Variants in CREBRF observed in about 807,000 individuals in gnomAD.
The protein encoded by CREBRF is CREB3 regulatory factor.
A neutral mutation model predicts 66.1 loss-of-function variants in CREBRF; 5 were observed. That is an observed-to-expected ratio of 0.08 (90% CI 0.04 to 0.16). The LOEUF (loss-of-function observed/expected upper bound fraction) is 0.16. CREBRF is among the 10% of genes least tolerant of loss of function. CREBRF has a pLI of 1.00. For missense variants in CREBRF, 531 were observed against 744.9 expected (o/e 0.71, Z 3.34); for synonymous variants, 229 against 264.4 (o/e 0.87, Z 1.30).
At chr5:173,072,168 C>A (rs1279797990) in intron 1 of CREBRF, among the ~76,000 whole-genome samples, 2 of 151,934 alleles carry the variant, frequency 1.3e-5, no homozygotes. Flanking sequence ...AGTGCAGTGG[C>A]ACAATCATAG....
intron 1 of CREBRF, chr5:173,060,285 C>G (rs1180469839): frequency 6.7e-6 from 1 of 148,902 alleles, no homozygotes; most frequent in African/African-American, 2.5e-5. Flanking sequence ...GGTTGGAGTC[C>G]GGTGGCGTGA....
chr5:173,092,284 A>G (rs1484630050), intron 4 of CREBRF: 13 of 981,186 alleles, frequency 1.3e-5, no homozygotes, highest in African/African-American at 1.7e-5. Context: ...TTTACATCGT[A>G]TTTTCCTATT....
intron 7 of CREBRF, among the ~76,000 whole-genome samples, chr5:173,122,112 G>GT (rs1759151120): frequency 6.6e-6 from 1 of 151,942 alleles, no homozygotes; most frequent in South Asian, 2.1e-4. Flanking sequence ...TGTTGTTGTT[G>GT]TTTTTTGAGA....
chr5:173,077,601 C>T (rs151217653), intron 1 of CREBRF, among the ~76,000 whole-genome samples: 3 of 152,088 alleles, frequency 2.0e-5, no homozygotes, highest in Non-Finnish European at 2.9e-5. Context: ...CCATGTTGGC[C>T]AGGCTGGTCT....
At position 173,137,604 on chromosome 5, in the gene CREBRF, T is replaced by C. The variant is rs1197546931; in HGVS notation, c.*3859T>C. ...GGAGAAGAGTACCCATTTTGTTTTA[T>C]AAAAACAGATGACAAGTCTCTTTAA... is the stretch of plus-strand genomic sequence containing the variant. On this transcript the variant is annotated 3_prime_UTR_variant, in exon 9 of 9. Coordinates refer to ENST00000296953, the MANE Select transcript of CREBRF (RefSeq NM_153607.3). 6 of 152,056 alleles carry C rather than the reference T, an allele frequency of 3.9e-5. No homozygotes were observed. The highest frequency in any genetic ancestry group is 8.8e-5 in the Non-Finnish European group (6 of 67,942). The allele number at this position is 152,056 out of a possible 1,614,324, so 9.4% of individuals were successfully genotyped here.
intron 8 of CREBRF, among the ~76,000 whole-genome samples, chr5:173,125,824 A>C (rs1170174251): frequency 6.6e-6 from 1 of 152,218 alleles, no homozygotes; most frequent in Non-Finnish European, 1.5e-5. Context: ...AGATTGTGCC[A>C]CTGCGCTCCC....
intron 5 of CREBRF, chr5:173,109,583 TAATC>T (rs1299257852): frequency 1.3e-5 from 2 of 152,336 alleles, no homozygotes; most frequent in African/African-American, 4.8e-5. Context: ...ATTTTTAAAT[TAATC>T]CATAGTTTCT....
At chr5:173,099,548 C>T (rs1483509806) in intron 4 of CREBRF, among the ~76,000 whole-genome samples, 2 of 152,140 alleles carry the variant, frequency 1.3e-5, no homozygotes, top group African/African-American at 4.8e-5. Context: ...TATCATTTTA[C>T]TGGGTATTGA....
intron 2 of CREBRF, among the ~76,000 whole-genome samples, chr5:173,082,908 CAAAAAAAAAAAAAAAAAAAAAAAA>C (rs70984937): frequency 1.4e-4 from 4 of 28,984 alleles, no homozygotes; most frequent in East Asian, 2.6e-3. Context: ...GACTCTGTCT[CAAAAAAAAAAAAAAAAAAAAAAAA>C]AAAAAAAAAA....
intron 3 of CREBRF, among the ~76,000 whole-genome samples, chr5:173,089,265 T>C (rs758506801): frequency 1.3e-5 from 2 of 149,304 alleles, no homozygotes; most frequent in African/African-American, 5.0e-5. Context: ...AAAAAATAAC[T>C]CTGGAAGACT....
At chr5:173,101,696 A>G (rs416043) in intron 4 of CREBRF, among the ~76,000 whole-genome samples, 73,830 of 151,530 alleles carry the variant, frequency 0.49, 19,113 homozygotes, top group Non-Finnish European at 0.58. Flanking sequence ...GGGATTACCG[A>G]CACCCACCAT....
intron 3 of CREBRF, among the ~76,000 whole-genome samples, chr5:173,087,709 G>A (rs1758201650): frequency 6.6e-6 from 1 of 151,720 alleles, no homozygotes; most frequent in Non-Finnish European, 1.5e-5. Flanking sequence ...GATGCTTCTG[G>A]GTATGGTGGC....
intron 1 of CREBRF, among the ~76,000 whole-genome samples, chr5:173,057,080 C>T (rs911313369): frequency 2.0e-5 from 3 of 152,050 alleles, no homozygotes; most frequent in Admixed American, 6.5e-5. Flanking sequence ...TCAGAGGCGA[C>T]GGGCGAGGGG....
chr5:173,111,204 C>T (rs926705236), intron 6 of CREBRF, among the ~76,000 whole-genome samples: 5 of 152,106 alleles, frequency 3.3e-5, no homozygotes, highest in South Asian at 2.1e-4. Context: ...TTTCTGTCTC[C>T]GTAGTTTTGC....
chr5:173,123,988 C>T (rs1759202766), intron 8 of CREBRF: 1 of 152,022 alleles, frequency 6.6e-6, no homozygotes, highest in South Asian at 2.1e-4. Flanking sequence ...TTTATGTATT[C>T]TTTCATAGCA....
In CREBRF at chr5:173,076,057, C is replaced by CAA. The variant is rs35215379; in HGVS notation, c.-191-4507_-191-4506dup. ...GCAACATAATAAGACCCCATCTCTA[C>CAA]AAAAAAAAAAAAAAAAAAAAAAGTA... On this transcript the variant is annotated intron_variant, in intron 1 of 8. Transcript: ENST00000296953. Among the ~76,000 whole-genome samples the CAA allele has an allele frequency of 4.3e-4, 40 of 92,530 alleles. No homozygotes were observed. In the East Asian group the frequency reaches 7.6e-3, roughly 18 times the overall value. 60.7% of individuals were successfully genotyped at this position (92,530 alleles called of 152,430 possible). A position where few individuals can be genotyped will look rare whatever the true frequency, so the allele number is the denominator to read the frequency against.
At chr5:173,099,454 C>T (rs1257163358) in intron 4 of CREBRF, among the ~76,000 whole-genome samples, 1 of 152,180 alleles carries the variant, frequency 6.6e-6, no homozygotes, top group Non-Finnish European at 1.5e-5. Context: ...CTATGCCTGG[C>T]TATATGCATC....
At chr5:173,097,811 TTTTCA>T (rs1292262675) in intron 4 of CREBRF, among the ~76,000 whole-genome samples, 11 of 152,144 alleles carry the variant, frequency 7.2e-5, no homozygotes, top group South Asian at 2.1e-4. Flanking sequence ...GTGAATTTTG[TTTTCA>T]TTTCAACAAA....
At chr5:173,082,789 GT>G (rs1757997014) in intron 2 of CREBRF, among the ~76,000 whole-genome samples, 1 of 151,016 alleles carries the variant, frequency 6.6e-6, no homozygotes, top group Non-Finnish European at 1.5e-5. Flanking sequence ...CGTACCTGTA[GT>G]CCCAGCTACT....
Sources: gnomAD v4.1 joint callset for allele counts (sites outside exome capture counted in the v4.1 genomes callset) on GRCh38, gnomAD v4.1.1 for gene constraint, MANE v1.5 for transcripts, NCBI Gene and HGNC (gene_info 2026-07-23, HGNC 2026-07-21) for gene names.